Variants in FEZ2 observed in about 807,000 individuals in gnomAD.
FEZ2 encodes the protein fasciculation and elongation protein zeta 2.
A neutral mutation model predicts 40.4 loss-of-function variants in FEZ2; 51 were observed. The ratio of observed to expected loss-of-function variants is 1.26; its 90% CI spans 1.01 to 1.59. The LOEUF (loss-of-function observed/expected upper bound fraction) is 1.59, where lower values mean the gene tolerates loss of function less well. Ranked by LOEUF, FEZ2 falls within the 40% of genes most tolerant of loss-of-function variation. FEZ2 has a pLI of 0.00. For missense variants in FEZ2, 640 were observed against 438.3 expected (o/e 1.46, Z -4.11); for synonymous variants, 242 against 172.0 (o/e 1.41, Z -3.18).
chr2:36,578,783 C>T lies in FEZ2; in HGVS notation c.717G>A (p.Leu239=). 4 of 1,613,868 alleles carry T rather than the reference C, an allele frequency of 2.5e-6. No individual in the cohort carries two copies. The highest frequency in any genetic ancestry group is 3.4e-6 in the Non-Finnish European group (4 of 1,179,796). ...CATCTCGTAAAGCCAACTGCTGCAC[C>T]AGCTCCTCAGAGTACTCCTTAATGG... The part of the protein sequence containing the change: ...ETAIKEYSEE[L]VQQLALRDEL... Residue 239 remains leucine, a synonymous_variant, in exon 5 of 8, where the codon CTG becomes CTA. Coordinates refer to ENST00000405912, the MANE Select transcript of FEZ2 (RefSeq NM_005102.3).
At chr2:36,559,722 C>T (rs1210188392) in intron 5 of FEZ2, among the ~76,000 whole-genome samples, 1 of 152,226 alleles carries the variant, frequency 6.6e-6, no homozygotes, top group African/African-American at 2.4e-5. Context: ...AGGCACCAGG[C>T]GGCTGCACCC....
intron 2 of FEZ2, 84 bp downstream of exon 2, chr2:36,590,819 T>C (rs938261945): frequency 1.2e-6 from 1 of 821,218 alleles, no homozygotes; most frequent in Non-Finnish European, 2.1e-6. Flanking sequence ...GGTCAGTGAA[T>C]CTGTGTTAAG....
intron 2 of FEZ2, among the ~76,000 whole-genome samples, chr2:36,586,805 G>A (rs1216535094): frequency 6.6e-6 from 1 of 152,138 alleles, no homozygotes; most frequent in Non-Finnish European, 1.5e-5. Flanking sequence ...AAATTAGCCA[G>A]GCATGGCGGT....
rs118150428 is a variant in FEZ2, at chr2:36,594,951, T to C, written c.266+2926A>G. On this transcript the variant is annotated intron_variant, in intron 1 of 7. Coordinates refer to ENST00000405912, the MANE Select transcript of FEZ2 (RefSeq NM_005102.3). ...TGGAAGGACACAGAGGCAACTCTAG[T>C]GAAAGATTTCTAGAATTCTGCAGTC... Among the ~76,000 whole-genome samples, 11 of 152,358 alleles carry C rather than the reference T, an allele frequency of 7.2e-5. No individual in the cohort carries two copies. In the East Asian group the frequency reaches 2.1e-3, roughly 29 times the overall value.
intron 4 of FEZ2, among the ~76,000 whole-genome samples, chr2:36,579,369 A>G (rs891905675): frequency 3.9e-5 from 6 of 152,180 alleles, no homozygotes; most frequent in Non-Finnish European, 8.8e-5. Flanking sequence ...GAAATTGGTG[A>G]TATGGTTTGT....
At chr2:36,573,399 A>C (rs765268660) in intron 5 of FEZ2, among the ~76,000 whole-genome samples, 2 of 152,256 alleles carry the variant, frequency 1.3e-5, no homozygotes, top group Non-Finnish European at 2.9e-5. Flanking sequence ...TCTTGTATTC[A>C]TGAGAACTGC....
intron 5 of FEZ2, chr2:36,561,425 G>A (rs1027297323): frequency 2.6e-5 from 4 of 152,146 alleles, no homozygotes; most frequent in East Asian, 1.9e-4. Flanking sequence ...GATGGCATAC[G>A]CTTCCTGGAG....
chr2:36,575,990 T>C (rs1668558677), intron 5 of FEZ2, among the ~76,000 whole-genome samples: 1 of 152,298 alleles, frequency 6.6e-6, no homozygotes, highest in African/African-American at 2.4e-5. Flanking sequence ...AAGTGACTTA[T>C]GTTATTGGAA....
In FEZ2 at chr2:36,582,427, G is replaced by A. The variant is rs561677512; in HGVS notation, c.492+926C>T. ...AATAAGGTACAATGAGCCACTCAAG[G>A]ATCCTACAGAATCTGTTATTCTAAC... On this transcript the variant is annotated intron_variant, in intron 3 of 7. Transcript: ENST00000405912. 1.6e-4 allele frequency among the ~76,000 whole-genome samples: 24 copies of A among 152,194 alleles called. 1 individual carries two copies. Among genetic ancestry groups the A allele is most frequent in the African/African-American group, 4.3e-4 (18 of 41,526 alleles).
chr2:36,556,989 A>C (rs575803228), intron 6 of FEZ2: 1 of 152,318 alleles, frequency 6.6e-6, no homozygotes, highest in African/African-American at 2.4e-5. Context: ...TGCTGGAATT[A>C]TGATGACTTT....
intron 4 of FEZ2, among the ~76,000 whole-genome samples, 163 bp downstream of exon 4, chr2:36,581,127 C>A (rs1223818501): frequency 6.6e-6 from 1 of 151,560 alleles, no homozygotes; most frequent in African/African-American, 2.4e-5. Flanking sequence ...CCAGCTTGGG[C>A]CAAAAAGTGA....
At position 36,578,402 on chromosome 2, in the gene FEZ2, C is replaced by T. The variant is rs557318706; in HGVS notation, c.903+195G>A. ...CAGTATTATTCAGATAACCAGTACACCCTAGTCAAGAAAACGACTTTCTGA... is the reference window on the plus strand; with the variant it reads ...CAGTATTATTCAGATAACCAGTACATCCTAGTCAAGAAAACGACTTTCTGA... On this transcript the variant is annotated intron_variant, in intron 5 of 7. Coordinates refer to ENST00000405912, the MANE Select transcript of FEZ2 (RefSeq NM_005102.3). Among the ~76,000 whole-genome samples the T allele has an allele frequency of 3.9e-5, 6 of 152,312 alleles. No homozygotes were observed. In the South Asian group the frequency reaches 1.2e-3, roughly 32 times the overall value.
At chr2:36,561,486 AC>A (rs1394933610) in intron 5 of FEZ2, 4 of 152,180 alleles carry the variant, frequency 2.6e-5, no homozygotes, top group African/African-American at 7.2e-5. Flanking sequence ...TTCTCCAAAG[AC>A]TTTTCCACTC....
In FEZ2 at chr2:36,578,659, T is replaced by G. The variant is rs1668645142; in HGVS notation, c.841A>C (p.Lys281Gln). Reference sequence around the variant, plus strand: ...TGAGAGCTGCCATTTTTTAGTTTCTTTTTCTTTTTTGCTGTTTCTTTGTGC... The same window carrying G: ...TGAGAGCTGCCATTTTTTAGTTTCTGTTTCTTTTTTGCTGTTTCTTTGTGC... ...KEHKETAKKKKKLKNGSSQNG... is the reference protein window; with the variant it reads ...KEHKETAKKKQKLKNGSSQNG... Residue 281 changes from lysine (K) to glutamine (Q), a missense_variant, in exon 5 of 8, where the codon AAG (lysine) becomes CAG (glutamine). Lys to Gln is a moderately conservative substitution (Grantham distance 53). Transcript: ENST00000405912. 1.2e-6 allele frequency: 2 copies of G among 1,613,612 alleles called. No homozygotes were observed. Among genetic ancestry groups the G allele is most frequent in the Non-Finnish European group, 1.7e-6 (2 of 1,179,842 alleles).
At position 36,583,455 on chromosome 2, in the gene FEZ2, C is replaced by A; in HGVS notation, c.390G>T (p.Leu130Phe). ...NLSEKGVSDS[L>F]LFDTSDDEEL... ...CTTCATCATCTGATGTATCAAAGAG[C>A]AAACTGTCACTTACCTAAAAACAAA... is the stretch of plus-strand genomic sequence containing the variant. Residue 130 changes from leucine to phenylalanine, a missense_variant, in exon 3 of 8, where the codon TTG (leucine) becomes TTT (phenylalanine). Coordinates refer to ENST00000405912, the MANE Select transcript of FEZ2 (RefSeq NM_005102.3). The A allele has an allele frequency of 6.3e-7, 1 of 1,577,878 alleles. No individual in the cohort carries two copies. Among genetic ancestry groups the A allele is most frequent in the Non-Finnish European group, 8.7e-7 (1 of 1,147,238 alleles).
Position 36,598,034 on chromosome 2 carries a change from C to T in FEZ2, c.109G>A (p.Gly37Arg), listed in dbSNP as rs780887463. The T allele has an allele frequency of 8.0e-6, 12 of 1,501,870 alleles. No individual in the cohort carries two copies. In the South Asian group the frequency reaches 8.6e-5, roughly 11 times the overall value. 93.0% of individuals were successfully genotyped at this position (1,501,870 alleles called of 1,614,324 possible). A position where few individuals can be genotyped will look rare whatever the true frequency, so the allele number is the denominator to read the frequency against. ...NASPEPGAEA[G>R]AEAGGGADGF... ...TCGGCGCCCCCACCCGCCTCGGCCC[C>T]CGCCTCCGCCCCAGGCTCGGGGCTC... The change falls in exon 1 of 8, where the codon GGG becomes AGG. Residue 37 changes from glycine (G) to arginine (R), a missense_variant. Physicochemically the swap from Gly to Arg is moderately radical, Grantham distance 125. Transcript: ENST00000405912.
rs1457772290 is a variant in FEZ2 at position 36,555,759 on chromosome 2, G to T, written c.980-11C>A. ...TCATGGCACGAAGAACTGCAAAATAGAAGAGGGGAAAAAAGACAACAATTA... is the reference window on the plus strand; with the variant it reads ...TCATGGCACGAAGAACTGCAAAATATAAGAGGGGAAAAAAGACAACAATTA... On this transcript the variant is annotated splice_polypyrimidine_tract_variant and intron_variant, in intron 6 of 7. Transcript: ENST00000405912. 6.6e-7 allele frequency: 1 copy of T among 1,512,278 alleles called. No homozygotes were observed. The highest frequency in any genetic ancestry group is 9.0e-7 in the Non-Finnish European group (1 of 1,111,350). 93.7% of individuals were successfully genotyped at this position (1,512,278 alleles called of 1,614,324 possible).
intron 3 of FEZ2, among the ~76,000 whole-genome samples, chr2:36,582,754 C>A (rs920654122): frequency 6.6e-6 from 1 of 152,174 alleles, no homozygotes; most frequent in African/African-American, 2.4e-5. Flanking sequence ...TGTGGTAGAA[C>A]TCACAGTCCG....
chr2:36,595,484 G>A (rs1669189537), intron 1 of FEZ2, among the ~76,000 whole-genome samples: 1 of 152,150 alleles, frequency 6.6e-6, no homozygotes, highest in Non-Finnish European at 1.5e-5. Flanking sequence ...TGATCTGACA[G>A]GAGGTGGCTC....
Sources: gnomAD v4.1 joint callset for allele counts (sites outside exome capture counted in the v4.1 genomes callset) on GRCh38, gnomAD v4.1.1 for gene constraint, MANE v1.5 for transcripts, NCBI Gene and HGNC (gene_info 2026-07-23, HGNC 2026-07-21) for gene names.